The following WDR19 variants were observed in gnomAD, a reference collection of about 807,000 sequenced individuals.
WDR19 encodes the protein WD repeat domain 19.
A neutral mutation model predicts 180.0 loss-of-function variants in WDR19; 121 were observed. The observed-to-expected ratio is 0.67, with a 90% CI of 0.58 to 0.78. WDR19 has a LOEUF of 0.78. WDR19 is among the 30% of genes least tolerant of loss of function. The pLI, the probability that WDR19 is intolerant of heterozygous loss-of-function variation, is 0.00. For synonymous variants in WDR19, 497 were observed against 540.7 expected (o/e 0.92, Z 1.12); for missense variants, 1,450 against 1,640.7 (o/e 0.88, Z 2.01).
At chr4:39,254,176 T>A in intron 26 of WDR19, 146 bp downstream of exon 26, 1 of 681,568 alleles carries the variant, frequency 1.5e-6, no homozygotes, top group Non-Finnish European at 2.1e-6. Flanking sequence ...CACATGTATC[T>A]ATGTTATGTG....
chr4:39,278,587 C>A lies in WDR19; in HGVS notation c.3966C>A (p.Asn1322Lys), dbSNP rs767906377. ...GTCCTATGTGTTCAGAAAGATTAAA[C>A]GCTGCTCAGCTGAAAAAGATTTCAG... ...STCPMCSERL[N>K]AAQLKKISDC... Residue 1322 changes from asparagine to lysine, a missense_variant, in exon 36 of 37, where the codon AAC becomes AAA. Physicochemically the swap from Asn to Lys is moderately conservative, Grantham distance 94. Transcript: ENST00000399820. The A allele has an allele frequency of 1.9e-6, 3 of 1,613,504 alleles. No individual in the cohort carries two copies. The highest frequency in any genetic ancestry group is 1.3e-5 in the African/African-American group (1 of 74,928).
chr4:39,271,891 A>G (rs1455199819), intron 31 of WDR19, among the ~76,000 whole-genome samples: 2 of 152,232 alleles, frequency 1.3e-5, no homozygotes, highest in Non-Finnish European at 2.9e-5. Context: ...AGCACTTGAA[A>G]TGCAGCTAGT....
chr4:39,274,961 A>G lies in WDR19; in HGVS notation c.3716+3A>G, dbSNP rs1246794603. 6.2e-7 allele frequency: 1 copy of G among 1,613,670 alleles called. No individual in the cohort carries two copies. Among genetic ancestry groups the G allele is most frequent in the East Asian group, 2.2e-5 (1 of 44,890 alleles). ...AAGAAGATCGAGGGAATGGTCAGGT[A>G]GGCAGAGATGGCTATTTCTGCTATC... On this transcript the variant is annotated splice_donor_region_variant and intron_variant, in intron 33 of 36. Coordinates refer to ENST00000399820, the MANE Select transcript of WDR19 (RefSeq NM_025132.4).
At chr4:39,271,706 T>A (rs1280756695) in intron 31 of WDR19, among the ~76,000 whole-genome samples, 1 of 152,186 alleles carries the variant, frequency 6.6e-6, no homozygotes, top group Non-Finnish European at 1.5e-5. Context: ...TCGCAGTACA[T>A]CTTTCCGTAT....
intron 24 of WDR19, among the ~76,000 whole-genome samples, chr4:39,250,417 A>G (rs1725378538): frequency 6.6e-6 from 1 of 152,184 alleles, no homozygotes; most frequent in Admixed American, 6.5e-5. Context: ...ACGGACAAAA[A>G]CTGGAAGCAT....
At chr4:39,257,756 TA>T (rs1206644010) in intron 28 of WDR19, among the ~76,000 whole-genome samples, 1 of 151,998 alleles carries the variant, frequency 6.6e-6, no homozygotes, top group Non-Finnish European at 1.5e-5. Context: ...TTTTTTTAAG[TA>T]AATCACAGTC....
chr4:39,280,065 A>G (rs766831719), intron 36 of WDR19, among the ~76,000 whole-genome samples: 1 of 130,886 alleles, frequency 7.6e-6, no homozygotes, highest in African/African-American at 2.8e-5. Context: ...TACAAGTTCT[A>G]TATCATGTAT....
chr4:39,235,553 A>C (rs951142423), intron 20 of WDR19, among the ~76,000 whole-genome samples: 2 of 152,186 alleles, frequency 1.3e-5, no homozygotes, highest in African/African-American at 4.8e-5. Context: ...TGTAATTTCA[A>C]ACCATAGTGA....
At chr4:39,258,637 A>G (rs1289930272) in intron 28 of WDR19, among the ~76,000 whole-genome samples, 1 of 152,206 alleles carries the variant, frequency 6.6e-6, no homozygotes, top group Non-Finnish European at 1.5e-5. Flanking sequence ...TATTGGGTAT[A>G]TATCCAGGAG....
chr4:39,200,824 C>T (rs1175657116), intron 6 of WDR19, among the ~76,000 whole-genome samples: 5 of 152,138 alleles, frequency 3.3e-5, no homozygotes, highest in African/African-American at 1.2e-4. Flanking sequence ...GGCTGCTGAT[C>T]GTAGGGCCCC....
intron 7 of WDR19, among the ~76,000 whole-genome samples, chr4:39,204,664 A>G (rs1398081182): frequency 2.6e-5 from 4 of 152,364 alleles, no homozygotes; most frequent in Admixed American, 2.6e-4. Context: ...TTGCATGAGT[A>G]GCAAAGAGAC....
rs1399846849 is a variant in WDR19, at chr4:39,266,036, G to T, written c.3184-27G>T. The stretch of plus-strand genomic sequence containing the variant: ...TTGCTCGGTTTAAGATGCTGAATTT[G>T]CTGGGTTTTTCTCTCTTATTAAACA... On this transcript the variant is annotated intron_variant, in intron 28 of 36. Coordinates refer to ENST00000399820, the MANE Select transcript of WDR19 (RefSeq NM_025132.4). 4.5e-6 allele frequency: 7 copies of T among 1,547,152 alleles called. No individual in the cohort carries two copies. The Admixed American group carries it at 1.4e-4, about 30-fold the overall frequency.
At chr4:39,196,116 T>G (rs940481704) in intron 5 of WDR19, among the ~76,000 whole-genome samples, 1 of 152,106 alleles carries the variant, frequency 6.6e-6, no homozygotes, top group Non-Finnish European at 1.5e-5. Flanking sequence ...CTTTTCCCCT[T>G]CCTAATGCCT....
At chr4:39,236,557 C>T (rs1355572868) in intron 20 of WDR19, among the ~76,000 whole-genome samples, 1 of 152,198 alleles carries the variant, frequency 6.6e-6, no homozygotes, top group Admixed American at 6.5e-5. Flanking sequence ...GACTTCACCA[C>T]TACCCAATAT....
At chr4:39,280,938 T>G (rs1186390963) in intron 36 of WDR19, among the ~76,000 whole-genome samples, 1 of 152,156 alleles carries the variant, frequency 6.6e-6, no homozygotes, top group African/African-American at 2.4e-5. Flanking sequence ...TTCTTTTGCA[T>G]GTAGATATCC....
At chr4:39,225,419 T>C (rs180708887) in intron 15 of WDR19, among the ~76,000 whole-genome samples, 79 of 152,298 alleles carry the variant, frequency 5.2e-4, no homozygotes, top group African/African-American at 1.9e-3. Flanking sequence ...TTTTCCTCTT[T>C]CCTTGAAGAT....
intron 36 of WDR19, among the ~76,000 whole-genome samples, chr4:39,283,932 G>C (rs896098925): frequency 6.6e-6 from 1 of 152,082 alleles, no homozygotes; most frequent in Non-Finnish European, 1.5e-5. Context: ...GCACTTTCAC[G>C]ATTGTCTCCA....
chr4:39,256,064 A>G (rs1016618197), intron 27 of WDR19, 104 bp downstream of exon 27: 12 of 772,262 alleles, frequency 1.6e-5, no homozygotes, highest in Admixed American at 9.2e-5. Flanking sequence ...AAATGCCAGT[A>G]ACTCCCACTC....
At chr4:39,211,282 A>T (rs1223327893) in intron 9 of WDR19, among the ~76,000 whole-genome samples, 1 of 152,222 alleles carries the variant, frequency 6.6e-6, no homozygotes, top group Non-Finnish European at 1.5e-5. Flanking sequence ...TAGGAACAAG[A>T]CAAGAATATC....
Sources: gnomAD v4.1 joint callset for allele counts (sites outside exome capture counted in the v4.1 genomes callset) on GRCh38, gnomAD v4.1.1 for gene constraint, MANE v1.5 for transcripts, NCBI Gene and HGNC (gene_info 2026-07-23, HGNC 2026-07-21) for gene names.